Variants in CUL4B observed in about 807,000 individuals in gnomAD.
The protein encoded by CUL4B is cullin-4B.
Under a neutral mutation model 69.2 loss-of-function variants are expected in CUL4B, and 1 was observed. That is an observed-to-expected ratio of 0.01 (90% CI 0.01 to 0.07). The LOEUF is 0.07. CUL4B is among the 10% of genes least tolerant of loss of function. The pLI, the probability that CUL4B is intolerant of heterozygous loss-of-function variation, is 1.00. For missense variants in CUL4B, 328 were observed against 638.8 expected, an observed-to-expected ratio of 0.51 and a Z score of 5.24; for synonymous variants, 237 against 223.2, an observed-to-expected ratio of 1.06 and a Z score of -0.55.
At chrX:120,574,410 C>T in intron 2 of CUL4B, 1 of 514,247 alleles carries the variant, frequency 1.9e-6, no homozygotes, top group Admixed American at 2.5e-5. Context: ...CGGGGTTTCA[C>T]CGTGGTCTCG....
chrX:120,526,940 C>A, intron 19 of CUL4B, 84 bp from the exon 20 acceptor site: 1 of 499,008 alleles, frequency 2.0e-6, no homozygotes, highest in East Asian at 3.9e-5. Context: ...AAAAAGACAA[C>A]AGTTTCGGCT....
chrX:120,532,287 C>A, intron 18 of CUL4B, 135 bp downstream of exon 18: 2 of 506,146 alleles, frequency 4.0e-6, no homozygotes, highest in Non-Finnish European at 6.5e-6. Context: ...AATCAGGAAA[C>A]ATATTTAGCT....
intron 9 of CUL4B, among the ~76,000 whole-genome samples, chrX:120,542,318 G>A (rs1353659998): frequency 1.8e-5 from 2 of 111,228 alleles, no homozygotes; most frequent in Non-Finnish European, 3.8e-5. Flanking sequence ...TTTAAATGAG[G>A]CTCTAATAAA....
intron 2 of CUL4B, among the ~76,000 whole-genome samples, chrX:120,548,707 G>A (rs1405410642): frequency 1.8e-5 from 2 of 109,686 alleles, no homozygotes; most frequent in African/African-American, 6.7e-5. Context: ...GGTGGTGCAC[G>A]CCTGTAATCC....
At chrX:120,537,250 T>C (rs1247357674) in intron 14 of CUL4B, among the ~76,000 whole-genome samples, 1 of 112,062 alleles carries the variant, frequency 8.9e-6, no homozygotes, top group Non-Finnish European at 1.9e-5. Context: ...CATACAAGGA[T>C]CACATGACCT....
intron 2 of CUL4B, among the ~76,000 whole-genome samples, chrX:120,552,915 G>C (rs1035474270): frequency 3.6e-5 from 4 of 111,673 alleles, no homozygotes; most frequent in Non-Finnish European, 7.5e-5. Flanking sequence ...TTTATGTCAA[G>C]TAAATATGGC....
chrX:120,544,100 T>C lies in CUL4B; in HGVS notation c.1173+14A>G. On this transcript the variant is annotated intron_variant, in intron 7 of 19. Coordinates refer to ENST00000371322, the MANE Select transcript of CUL4B (RefSeq NM_001079872.2). The stretch of plus-strand genomic sequence containing the variant: ...AGAGACAGTGAGAATTTATTAGTCA[T>C]GATTTTTAAATACCTCTCTTTCTTG... 1.8e-6 allele frequency: 2 copies of C among 1,090,365 alleles called. No homozygotes were observed. Among genetic ancestry groups the C allele is most frequent in the Non-Finnish European group, 2.5e-6 (2 of 785,568 alleles). The allele number at this position is 1,090,365 out of a possible 1,213,427, so 89.9% of individuals were successfully genotyped here. A position where few individuals can be genotyped will look rare whatever the true frequency, so the allele number is the denominator to read the frequency against.
rs1219887351 is a variant in CUL4B at position 120,532,496 on chromosome X, T to C, written c.2365A>G (p.Lys789Glu). 1 of 1,203,463 alleles carries C rather than the reference T, an allele frequency of 8.3e-7. No individual in the cohort carries two copies. The highest frequency in any genetic ancestry group is 1.1e-6 in the Non-Finnish European group (1 of 889,521). Residue 789 changes from lysine to glutamate, a missense_variant, in exon 18 of 20, where the codon AAG (lysine) becomes GAG (glutamate). Lys to Glu is a moderately conservative substitution (Grantham distance 56). Around this residue, in one of 4 missense-constraint regions of CUL4B, gnomAD observed 98 missense variants for 296.8 expected, o/e 0.33. Coordinates refer to ENST00000371322, the MANE Select transcript of CUL4B (RefSeq NM_001079872.2). ...PKGKDIEDGD[K>E]FICNDDFKHK... ...TTGAAATCATCATTACAAATGAACT[T>C]GTCACCATCTTCAATGTCTTTGCCC...
At chrX:120,556,260 T>A (rs1354398862) in intron 2 of CUL4B, among the ~76,000 whole-genome samples, 8 of 112,026 alleles carry the variant, frequency 7.1e-5, no homozygotes. Context: ...ATAATGCTTA[T>A]AATGTTACAC....
chrX:120,546,063 T>C (rs1190086467), intron 4 of CUL4B, among the ~76,000 whole-genome samples: 1 of 111,096 alleles, frequency 9.0e-6, no homozygotes, highest in East Asian at 2.8e-4. Flanking sequence ...ACAGACGAAA[T>C]GTAGCTTTTT....
chrX:120,566,369 A>ATATATATATATATATATATATG (rs1925537822), upstream of CUL4B, among the ~76,000 whole-genome samples: 10 of 56,461 alleles, frequency 1.8e-4, no homozygotes, highest in African/African-American at 5.3e-4. Context: ...ATATATATAT[A>ATATATATATATATATATATATG]TATATATATA....
upstream of CUL4B, among the ~76,000 whole-genome samples, chrX:120,566,372 T>C (rs1439108553): frequency 1.6e-5 from 1 of 64,179 alleles, no homozygotes; most frequent in Non-Finnish European, 3.6e-5. Flanking sequence ...TATATATATA[T>C]ATATATATAT....
At chrX:120,538,874 A>G (rs939345560) in intron 12 of CUL4B, 104 bp from the exon 13 acceptor site, 14 of 512,958 alleles carry the variant, frequency 2.7e-5, no homozygotes, top group Non-Finnish European at 4.3e-5. Context: ...AAGTTATTTT[A>G]CTTTACACAT....
rs1923777348 is a variant in CUL4B, at chrX:120,538,133, C to T, written c.1929G>A (p.Gln643=). 1.7e-6 allele frequency: 2 copies of T among 1,194,474 alleles called. No individual in the cohort carries two copies. Among genetic ancestry groups the T allele is most frequent in the African/African-American group, 3.5e-5 (2 of 57,523 alleles). The change falls in exon 14 of 20, where the codon CAG becomes CAA. Residue 643 remains glutamine (Q), a synonymous_variant. Coordinates refer to ENST00000371322, the MANE Select transcript of CUL4B (RefSeq NM_001079872.2). ...TTTAACTCACTTTTACCTGTTTGAA[C>T]TGAATCATGATGTCTTTAGAAAGTT... The part of the protein sequence containing the change: ...DMELSKDIMI[Q]FKQYMQNQNV...
downstream of CUL4B, among the ~76,000 whole-genome samples, chrX:120,568,043 A>G (rs1331087408): frequency 8.9e-6 from 1 of 111,944 alleles, no homozygotes; most frequent in Non-Finnish European, 1.9e-5. Context: ...TGGATAACAC[A>G]TTGCCTCCTT....
chrX:120,566,824 G>T (rs1341023687), downstream of CUL4B, among the ~76,000 whole-genome samples: 1 of 111,473 alleles, frequency 9.0e-6, no homozygotes, highest in African/African-American at 3.3e-5. Flanking sequence ...GAACCATCTG[G>T]AAAGCAGATT....
intron 4 of CUL4B, 140 bp from the exon 5 acceptor site, chrX:120,545,657 T>C (rs1804297944): frequency 2.2e-6 from 1 of 463,432 alleles, no homozygotes; most frequent in South Asian, 3.2e-5. Context: ...TAAACACATC[T>C]ATCTGAGAAT....
upstream of CUL4B, among the ~76,000 whole-genome samples, chrX:120,565,302 T>A (rs1216167293): frequency 9.1e-6 from 1 of 110,390 alleles, no homozygotes; most frequent in Non-Finnish European, 1.9e-5. Flanking sequence ...TGGGAGAGAC[T>A]GCTTGCCCAG....
chrX:120,561,197 G>T (rs1925285025), upstream of CUL4B: 1 of 643,836 alleles, frequency 1.6e-6, no homozygotes, highest in Non-Finnish European at 2.3e-6. Flanking sequence ...CGCGCGTGAG[G>T]GGGCGGCTGG....
Sources: gnomAD v4.1 joint callset for allele counts (sites outside exome capture counted in the v4.1 genomes callset) on GRCh38, gnomAD v4.1.1 for gene constraint, gnomAD v4.1.1 regional missense constraint, MANE v1.5 for transcripts, NCBI Gene and HGNC (gene_info 2026-07-23, HGNC 2026-07-21) for gene names.